The following CAMTA1 variants were observed in gnomAD, a reference collection of about 807,000 sequenced individuals.
CAMTA1 encodes calmodulin binding transcription activator 1.
In CAMTA1, 27 loss-of-function variants were observed where a neutral mutation model predicts 170.9. The observed-to-expected ratio is 0.16, with a 90% CI of 0.12 to 0.22. The LOEUF (loss-of-function observed/expected upper bound fraction) is 0.22. Among genes scored for constraint, CAMTA1 ranks in the 10% least tolerant of loss-of-function variants. The pLI, the probability that CAMTA1 is intolerant of heterozygous loss-of-function variation, is 1.00. For synonymous variants in CAMTA1, 833 were observed against 891.5 expected, an observed-to-expected ratio of 0.93 and a Z score of 1.17; for missense variants, 1,619 against 2,217.2, an observed-to-expected ratio of 0.73 and a Z score of 5.42.
chr1:7,587,093 G>C (rs2095316429), intron 6 of CAMTA1, among the ~76,000 whole-genome samples: 1 of 151,656 alleles, frequency 6.6e-6, no homozygotes, highest in Non-Finnish European at 1.5e-5. Context: ...CTATTCCCCA[G>C]TCATTCTATC....
At chr1:7,162,066 G>A (rs181730247) in intron 4 of CAMTA1, among the ~76,000 whole-genome samples, 1 of 152,310 alleles carries the variant, frequency 6.6e-6, no homozygotes, top group African/African-American at 2.4e-5. Context: ...CCTGGCAGGA[G>A]GAACATGTAG....
intron 3 of CAMTA1, among the ~76,000 whole-genome samples, chr1:6,865,598 A>G (rs1165805672): frequency 1.3e-5 from 2 of 152,236 alleles, no homozygotes; most frequent in Non-Finnish European, 2.9e-5. Flanking sequence ...TCAGCTAAGA[A>G]AAGGAATGTA....
At chr1:7,703,437 GCCC>G (rs1197727820) in intron 11 of CAMTA1, among the ~76,000 whole-genome samples, 1 of 152,180 alleles carries the variant, frequency 6.6e-6, no homozygotes, top group East Asian at 1.9e-4. Context: ...GTGGGTGGCA[GCCC>G]CCAAGGGAAG....
At chr1:7,270,482 G>A (rs1669635530) in intron 5 of CAMTA1, among the ~76,000 whole-genome samples, 2 of 151,870 alleles carry the variant, frequency 1.3e-5, no homozygotes, top group South Asian at 4.2e-4. Context: ...TTTTAGTAGA[G>A]AGGGGGTTTC....
At position 7,050,119 on chromosome 1, in the gene CAMTA1, G is replaced by A. The variant is rs569637217; in HGVS notation, c.235-41185G>A. ...GTTTGAAGGTCAGCCGGGAGACTGC[G>A]AGGCAGGAGCTGGTGGAGAGAGGAC... On this transcript the variant is annotated intron_variant, in intron 3 of 22. Transcript: ENST00000303635. The surrounding 1 kb of genome is among the most constrained non-coding windows in gnomAD (Gnocchi z 4.8). Among the ~76,000 whole-genome samples the A allele has an allele frequency of 1.3e-5, 2 of 152,332 alleles. No individual in the cohort carries two copies. Among genetic ancestry groups the A allele is most frequent in the South Asian group, 4.1e-4 (2 of 4,826 alleles).
chr1:7,154,052 G>A (rs1473220050), intron 4 of CAMTA1, among the ~76,000 whole-genome samples: 3 of 152,186 alleles, frequency 2.0e-5, no homozygotes, highest in Non-Finnish European at 2.9e-5. Context: ...CAGGGCCCTG[G>A]AATTTCCGAG....
At chr1:7,548,979 A>G (rs1469576821) in intron 6 of CAMTA1, among the ~76,000 whole-genome samples, 17 of 104,824 alleles carry the variant, frequency 1.6e-4, no homozygotes, top group Non-Finnish European at 1.1e-4. Flanking sequence ...CATGGAAGGT[A>G]CCCCCTTAGG....
At chr1:6,919,409 G>A (rs542949927) in intron 3 of CAMTA1, among the ~76,000 whole-genome samples, 2 of 152,340 alleles carry the variant, frequency 1.3e-5, no homozygotes, top group African/African-American at 2.4e-5. Context: ...TGACCAGTGA[G>A]CTGCTGGAAG....
intron 6 of CAMTA1, among the ~76,000 whole-genome samples, chr1:7,468,373 C>T (rs530079877): frequency 6.5e-4 from 99 of 152,280 alleles, no homozygotes; most frequent in African/African-American, 2.3e-3. Flanking sequence ...GCTCCGTAAT[C>T]GATTTGTGAT....
At chr1:7,148,113 GCA>G (rs992154676) in intron 4 of CAMTA1, among the ~76,000 whole-genome samples, 7 of 141,154 alleles carry the variant, frequency 5.0e-5, no homozygotes, top group Admixed American at 1.4e-4. Context: ...CCACACACAC[GCA>G]CACACACTAA....
intron 5 of CAMTA1, among the ~76,000 whole-genome samples, chr1:7,329,200 C>T (rs1233367831): frequency 2.0e-5 from 3 of 151,684 alleles, no homozygotes; most frequent in Admixed American, 2.0e-4. Context: ...AAAAAAATCC[C>T]AAGCTCTAAA....
chr1:7,225,558 C>T (rs1009996518), intron 4 of CAMTA1, among the ~76,000 whole-genome samples: 2 of 152,120 alleles, frequency 1.3e-5, no homozygotes, highest in African/African-American at 4.8e-5. Flanking sequence ...CTGAGAACAC[C>T]TGGGAGGGTC....
rs932714971 is a variant in CAMTA1, at chr1:7,455,840, G to C, written c.439-11990G>C. Among the ~76,000 whole-genome samples, 4 of 152,240 alleles carry C rather than the reference G, an allele frequency of 2.6e-5. No individual in the cohort carries two copies. The highest frequency in any genetic ancestry group is 4.4e-5 in the Non-Finnish European group (3 of 68,046). The stretch of plus-strand genomic sequence containing the variant: ...CCGTGCCGTCCAGAATGGCCTCGGG[G>C]AGTGGGCTCCTGGCATCTGCATCTG... On this transcript the variant is annotated intron_variant, in intron 5 of 22. Coordinates refer to ENST00000303635, the MANE Select transcript of CAMTA1 (RefSeq NM_015215.4). This position sits in a 1 kb window ranked among gnomAD's most constrained non-coding sequence, Gnocchi z 5.0.
rs138857646 is a variant in CAMTA1 at position 7,748,238 on chromosome 1, AAAACAAAC to A, written c.4689+485_4689+492del. Among the ~76,000 whole-genome samples the A allele has an allele frequency of 0.013, 1,967 of 150,982 alleles. 34 individuals are homozygous for A. The highest frequency in any genetic ancestry group is 0.039 in the African/African-American group (1,607 of 41,064). ...GAGACTTAATTTGAACTGCCATGATAAAACAAACAAACAAACAAACAAACAAACAAACA... is the reference window on the plus strand; with the variant it reads ...GAGACTTAATTTGAACTGCCATGATAAAACAAACAAACAAACAAACAAACA... On this transcript the variant is annotated intron_variant, in intron 19 of 22. Coordinates refer to ENST00000303635, the MANE Select transcript of CAMTA1 (RefSeq NM_015215.4). The surrounding 1 kb of genome is among the most constrained non-coding windows in gnomAD (Gnocchi z 4.7).
intron 4 of CAMTA1, among the ~76,000 whole-genome samples, chr1:7,199,576 C>G (rs1656257728): frequency 6.6e-6 from 1 of 152,186 alleles, no homozygotes; most frequent in Admixed American, 6.5e-5. Flanking sequence ...AGAATTCTTC[C>G]CTCCCACCCA....
chr1:7,098,945 G>A (rs776501939), intron 4 of CAMTA1, among the ~76,000 whole-genome samples: 20 of 152,142 alleles, frequency 1.3e-4, no homozygotes, highest in Admixed American at 2.0e-4. Flanking sequence ...GCAAGTTCCC[G>A]GTGTCCTGGA....
chr1:7,044,578 A>G lies in CAMTA1; in HGVS notation c.235-46726A>G, dbSNP rs544194500. ...TTAGCAGATGGGTGATGGGGCCTCT[A>G]GCGGGCAGATTCTGTGGTGGCGCTG... On this transcript the variant is annotated intron_variant, in intron 3 of 22. Coordinates refer to ENST00000303635, the MANE Select transcript of CAMTA1 (RefSeq NM_015215.4). The surrounding 1 kb of genome is among the most constrained non-coding windows in gnomAD (Gnocchi z 5.0). 5.9e-5 allele frequency among the ~76,000 whole-genome samples: 9 copies of G among 152,190 alleles called. No individual in the cohort carries two copies. The highest frequency in any genetic ancestry group is 1.3e-4 in the Non-Finnish European group (9 of 68,020).
At chr1:6,829,461 C>A (rs948165826) in intron 3 of CAMTA1, among the ~76,000 whole-genome samples, 3 of 152,132 alleles carry the variant, frequency 2.0e-5, no homozygotes, top group African/African-American at 7.2e-5. Context: ...GATTGTGCTC[C>A]CGCAGCCACC....
intron 3 of CAMTA1, among the ~76,000 whole-genome samples, chr1:7,027,825 C>G (rs77898100): frequency 0.012 from 1,899 of 152,212 alleles, 20 homozygotes; most frequent in East Asian, 0.037. Context: ...GACCCTTAGA[C>G]TTTTTATTTG....
Sources: gnomAD v4.1 joint callset for allele counts (sites outside exome capture counted in the v4.1 genomes callset) on GRCh38, gnomAD v4.1.1 for gene constraint, Gnocchi (gnomAD v3.1) non-coding constraint, MANE v1.5 for transcripts, NCBI Gene and HGNC (gene_info 2026-07-23, HGNC 2026-07-21) for gene names.